SYTL5: variants seen among roughly 807,000 people sequenced by gnomAD.
SYTL5 encodes synaptotagmin-like protein 5.
SYTL5 carries 34 observed loss-of-function variants against 55.9 expected under a neutral mutation model. The observed-to-expected ratio is 0.61, with a 90% CI of 0.46 to 0.81. The LOEUF (loss-of-function observed/expected upper bound fraction) is 0.81, where lower values mean the gene tolerates loss of function less well. Among genes scored for constraint, SYTL5 ranks in the 30% least tolerant of loss-of-function variants. The probability of loss-of-function intolerance (pLI) is 0.00; values close to 1 mark genes in which losing one functional copy is unlikely to be tolerated. For missense variants in SYTL5, 637 were observed against 546.7 expected, an observed-to-expected ratio of 1.17 and a Z score of -1.65; for synonymous variants, 221 against 188.7, an observed-to-expected ratio of 1.17 and a Z score of -1.40.
the SYTL5 span, chrX:37,991,012 A>T: frequency 8.3e-7 from 1 of 1,211,914 alleles, no homozygotes; most frequent in Admixed American, 2.2e-5. Flanking sequence ...ACCTTGCTCG[A>T]TTGCCTTGCT....
the SYTL5 span, among the ~76,000 whole-genome samples, chrX:37,988,818 T>A: frequency 4.5e-5 from 5 of 112,344 alleles, no homozygotes; most frequent in Admixed American, 4.7e-4. Context: ...AAATCCTACC[T>A]GAATTGTGCT....
At chrX:37,976,515 G>A in the SYTL5 span, among the ~76,000 whole-genome samples, 4 of 111,903 alleles carry the variant, frequency 3.6e-5, no homozygotes, top group South Asian at 1.5e-3. Context: ...ACTCCATGAC[G>A]ATGAAGTGTG....
At chrX:37,988,420 G>A in the SYTL5 span, among the ~76,000 whole-genome samples, 4 of 112,255 alleles carry the variant, frequency 3.6e-5, no homozygotes, top group Non-Finnish European at 5.6e-5. Context: ...CCAAATTTAT[G>A]GCAATTCATT....
chrX:38,021,602 C>T (rs747586334), intron 1 of SYTL5, among the ~76,000 whole-genome samples: 3 of 112,118 alleles, frequency 2.7e-5, no homozygotes, highest in African/African-American at 6.5e-5. Flanking sequence ...CAAATATTTA[C>T]GATTTCTTCC....
intron 3 of SYTL5, among the ~76,000 whole-genome samples, chrX:38,066,718 G>T (rs1209309770): frequency 9.0e-6 from 1 of 111,217 alleles, no homozygotes; most frequent in African/African-American, 3.3e-5. Flanking sequence ...TTATTCCTTG[G>T]ACTCTACAGG....
rs1936278916 is a variant in SYTL5 at position 38,072,038 on chromosome X, C to G, written c.330-9C>G. 2.6e-6 allele frequency: 3 copies of G among 1,166,919 alleles called. No individual in the cohort carries two copies. The highest frequency in any genetic ancestry group is 2.3e-6 in the Non-Finnish European group (2 of 858,173). ...GAATTTCAATGCTCTTCCCTTTTCC[C>G]TTGAGTAGGCAGCTAAGGATTATAA... On this transcript the variant is annotated splice_polypyrimidine_tract_variant and intron_variant, in intron 3 of 16. Transcript: ENST00000297875.
chrX:37,901,263 T>A, the SYTL5 span, among the ~76,000 whole-genome samples: 2 of 111,844 alleles, frequency 1.8e-5, no homozygotes, highest in African/African-American at 6.5e-5. Flanking sequence ...TGAATCTCCC[T>A]CAGGTGATCC....
At chrX:37,966,611 T>C in the SYTL5 span, among the ~76,000 whole-genome samples, 1 of 109,558 alleles carries the variant, frequency 9.1e-6, no homozygotes, top group Non-Finnish European at 1.9e-5. Flanking sequence ...CTAATTTTTG[T>C]ATTTTTAGTG....
the SYTL5 span, among the ~76,000 whole-genome samples, chrX:37,937,878 G>T: frequency 3.6e-5 from 4 of 112,291 alleles, no homozygotes; most frequent in Admixed American, 9.4e-5. Context: ...CCCCAACACA[G>T]ACAGAAAGTC....
chrX:37,923,929 C>A, the SYTL5 span, among the ~76,000 whole-genome samples: 1 of 111,218 alleles, frequency 9.0e-6, no homozygotes, highest in African/African-American at 3.3e-5. Flanking sequence ...TGACTTAATT[C>A]TAAGCTTCTG....
At position 38,076,713 on chromosome X, in the gene SYTL5, A is replaced by G. The variant is rs1260200536; in HGVS notation, c.689+12A>G. The G allele has an allele frequency of 2.5e-6, 3 of 1,204,442 alleles. No individual in the cohort carries two copies. Among genetic ancestry groups the G allele is most frequent in the Non-Finnish European group, 2.2e-6 (2 of 892,400 alleles). On this transcript the variant is annotated intron_variant, in intron 6 of 16. Transcript: ENST00000297875. ...CCTGGTTCAGACAGGTAAGAGTCAT[A>G]CAGATTGAGCAATGATGTAGCCTGA...
chrX:37,977,656 G>A, the SYTL5 span, among the ~76,000 whole-genome samples: 4 of 103,278 alleles, frequency 3.9e-5, no homozygotes, highest in African/African-American at 1.4e-4. Context: ...AAAGATACAG[G>A]ATGAACAACC....
intron 6 of SYTL5, among the ~76,000 whole-genome samples, chrX:38,083,904 G>A (rs1273059885): frequency 9.3e-6 from 1 of 107,860 alleles, no homozygotes; most frequent in Non-Finnish European, 1.9e-5. Flanking sequence ...TTGTTATACT[G>A]TTGGGTCACT....
At chrX:37,919,041 C>T in the SYTL5 span, among the ~76,000 whole-genome samples, 3 of 110,473 alleles carry the variant, frequency 2.7e-5, no homozygotes, top group Non-Finnish European at 5.7e-5. Context: ...AGTCATTCTC[C>T]AGTATCAGCC....
chrX:37,911,717 T>C, the SYTL5 span, among the ~76,000 whole-genome samples: 1 of 111,697 alleles, frequency 9.0e-6, no homozygotes, highest in Non-Finnish European at 1.9e-5. Context: ...CCTGACTTCA[T>C]AGAATTAAAT....
intron 2 of SYTL5, among the ~76,000 whole-genome samples, chrX:38,048,270 G>C (rs780841176): frequency 9.1e-6 from 1 of 109,421 alleles, no homozygotes; most frequent in South Asian, 4.0e-4. Context: ...CCTCAGCTTG[G>C]ATTTCATTGT....
the SYTL5 span, among the ~76,000 whole-genome samples, chrX:37,914,632 A>T: frequency 8.9e-6 from 1 of 111,975 alleles, no homozygotes; most frequent in African/African-American, 3.2e-5. Flanking sequence ...ACGAACATTG[A>T]TGATGTTCTG....
intron 1 of SYTL5, among the ~76,000 whole-genome samples, chrX:38,030,449 G>A (rs60226150): frequency 1.5e-4 from 17 of 111,693 alleles, no homozygotes; most frequent in Admixed American, 3.8e-4. Context: ...TTGAATATCC[G>A]CTTTAAATAA....
intron 3 of SYTL5, among the ~76,000 whole-genome samples, chrX:38,060,339 A>G (rs1285843998): frequency 1.8e-5 from 2 of 111,835 alleles, no homozygotes; most frequent in African/African-American, 6.5e-5. Context: ...TTTAGAAGCT[A>G]GCCTACCCAA....
Sources: allele counts gnomAD v4.1 joint callset (sites outside exome capture counted in the v4.1 genomes callset), GRCh38; gene constraint gnomAD v4.1.1; transcripts MANE v1.5; gene names NCBI Gene and HGNC (gene_info 2026-07-23, HGNC 2026-07-21).